Variants in PCDH15 observed in about 807,000 individuals in gnomAD.
The protein encoded by PCDH15 is protocadherin-15.
A neutral mutation model predicts 178.5 loss-of-function variants in PCDH15; 129 were observed. The ratio of observed to expected loss-of-function variants is 0.72; its 90% CI spans 0.63 to 0.84. The LOEUF is 0.84. Among genes scored for constraint, PCDH15 ranks in the 40% least tolerant of loss-of-function variants. The pLI, the probability that PCDH15 is intolerant of heterozygous loss-of-function variation, is 0.00. For missense variants in PCDH15, 2,230 were observed against 2,099.9 expected (o/e 1.06, Z -1.21); for synonymous variants, 800 against 732.0 (o/e 1.09, Z -1.50).
chr10:53,969,060 G>A (rs1021129399), intron 21 of PCDH15, among the ~76,000 whole-genome samples: 10 of 152,076 alleles, frequency 6.6e-5, no homozygotes, highest in South Asian at 2.1e-4. Context: ...AAACTTCTCC[G>A]AGCTAAAGGA....
chr10:53,973,908 T>C (rs1368234068), intron 21 of PCDH15, among the ~76,000 whole-genome samples: 2 of 152,146 alleles, frequency 1.3e-5, no homozygotes, highest in African/African-American at 2.4e-5. Flanking sequence ...ATATTCAAAA[T>C]AGGAGCATGC....
chr10:54,221,385 A>G (rs1280762353), intron 9 of PCDH15, among the ~76,000 whole-genome samples: 1 of 152,136 alleles, frequency 6.6e-6, no homozygotes, highest in Non-Finnish European at 1.5e-5. Flanking sequence ...CTACACAATT[A>G]TCTTCATATA....
In PCDH15 at chr10:54,708,889, T is replaced by C. The variant is rs186830863; in HGVS notation, c.-28-44599A>G. On this transcript the variant is annotated intron_variant, in intron 1 of 37. Coordinates refer to ENST00000644397, the MANE Select transcript of PCDH15 (RefSeq NM_001384140.1). ...CCCTCAGATAACGAGCAATAATAGC[T>C]CTAATGATCTCTGAAAAAAAGGAAA... Among the ~76,000 whole-genome samples the C allele has an allele frequency of 2.6e-5, 4 of 152,122 alleles. No individual in the cohort carries two copies. The East Asian group carries it at 7.7e-4, about 29-fold the overall frequency.
rs1954692837 is a variant in PCDH15 at position 54,904,836 on chromosome 10, G to A, written c.-79-7336C>T. Among the ~76,000 whole-genome samples, 4 of 151,078 alleles carry A rather than the reference G, an allele frequency of 2.6e-5. No individual in the cohort carries two copies. In the Admixed American group the frequency reaches 2.7e-4, roughly 10 times the overall value. On this transcript the variant is annotated intron_variant, in intron 2 of 5. Coordinates refer to the PCDH15 transcript ENST00000458638. ...GAGGTACCACAGCTCACTCTCAGAA[G>A]GTCAAGAGGTAAAGTGTGGAGAAAA...
intron 2 of PCDH15, among the ~76,000 whole-genome samples, chr10:55,164,155 C>A (rs557373153): frequency 6.6e-6 from 1 of 152,042 alleles, no homozygotes; most frequent in South Asian, 2.1e-4. Context: ...GTCTCTGTTT[C>A]GTATTACACA....
chr10:54,205,142 C>T (rs2050656715), intron 10 of PCDH15, among the ~76,000 whole-genome samples: 3 of 152,130 alleles, frequency 2.0e-5, no homozygotes, highest in Admixed American at 2.0e-4. Context: ...AAAACAGCCA[C>T]ATCCCCTGGT....
At chr10:55,464,947 A>G (rs1010260686) in intron 2 of PCDH15, among the ~76,000 whole-genome samples, 3 of 151,772 alleles carry the variant, frequency 2.0e-5, no homozygotes, top group African/African-American at 7.2e-5. Context: ...CAACAAAAAA[A>G]CAGTGCTTGT....
At chr10:55,045,331 C>T (rs190203616) in intron 2 of PCDH15, among the ~76,000 whole-genome samples, 1 of 151,874 alleles carries the variant, frequency 6.6e-6, no homozygotes, top group South Asian at 2.1e-4. Context: ...TTTCTTAGGT[C>T]TGTGTCAGAT....
At chr10:55,103,126 T>C (rs1439464673) in intron 2 of PCDH15, among the ~76,000 whole-genome samples, 1 of 150,798 alleles carries the variant, frequency 6.6e-6, no homozygotes, top group African/African-American at 2.4e-5. Context: ...TTTTTTTTTT[T>C]GCTTTTCCAT....
intron 3 of PCDH15, among the ~76,000 whole-genome samples, chr10:54,395,195 C>G (rs1951047596): frequency 1.3e-5 from 2 of 152,036 alleles, no homozygotes; most frequent in African/African-American, 4.8e-5. Context: ...TCCATGAAAT[C>G]TTTACAATTT....
chr10:54,345,967 C>T (rs1000833991), intron 6 of PCDH15, among the ~76,000 whole-genome samples: 3 of 152,014 alleles, frequency 2.0e-5, no homozygotes, highest in Admixed American at 6.6e-5. Flanking sequence ...AAAGGCTTAT[C>T]AACTCCAGCA....
At chr10:54,387,968 G>T (rs937315835) in intron 3 of PCDH15, among the ~76,000 whole-genome samples, 1 of 152,094 alleles carries the variant, frequency 6.6e-6, no homozygotes, top group African/African-American at 2.4e-5. Context: ...CCAAGGACTT[G>T]GGGAGGGAGT....
intron 13 of PCDH15, among the ~76,000 whole-genome samples, chr10:54,172,360 C>G (rs532228621): frequency 9.2e-4 from 140 of 152,028 alleles, no homozygotes; most frequent in African/African-American, 3.2e-3. Context: ...TTTTCCTTTA[C>G]CTACCCAAAT....
intron 28 of PCDH15, among the ~76,000 whole-genome samples, chr10:53,850,421 G>C (rs2078281857): frequency 6.6e-6 from 1 of 151,954 alleles, no homozygotes; most frequent in Non-Finnish European, 1.5e-5. Flanking sequence ...ATGAGTTAAA[G>C]ACAAGTCATT....
chr10:55,182,005 G>A (rs1248323167), intron 1 of PCDH15, among the ~76,000 whole-genome samples: 1 of 151,826 alleles, frequency 6.6e-6, no homozygotes, highest in Non-Finnish European at 1.5e-5. Context: ...TGGTGATTGA[G>A]GAGAAGATCC....
chr10:55,281,590 C>T (rs1842734926), intron 1 of PCDH15, among the ~76,000 whole-genome samples: 1 of 151,882 alleles, frequency 6.6e-6, no homozygotes, highest in Admixed American at 6.6e-5. Flanking sequence ...CTTATTTTTT[C>T]ACAGAAAATT....
intron 2 of PCDH15, among the ~76,000 whole-genome samples, chr10:55,540,658 AT>A (rs1350917738): frequency 6.6e-6 from 1 of 152,146 alleles, no homozygotes; most frequent in Non-Finnish European, 1.5e-5. Context: ...TGTAATATCA[AT>A]TAAAGGACAG....
intron 29 of PCDH15, among the ~76,000 whole-genome samples, chr10:53,833,336 T>TA (rs763016898): frequency 6.6e-5 from 10 of 152,100 alleles, no homozygotes; most frequent in Non-Finnish European, 1.3e-4. Context: ...CTTAGATACT[T>TA]ATTTTCACTT....
intron 21 of PCDH15, among the ~76,000 whole-genome samples, chr10:53,993,729 T>C (rs2091671883): frequency 6.6e-6 from 1 of 152,194 alleles, no homozygotes; most frequent in Admixed American, 6.5e-5. Context: ...AGGATTCGTG[T>C]AGGTGCAACC....
Sources: allele counts gnomAD v4.1 joint callset (sites outside exome capture counted in the v4.1 genomes callset), GRCh38; gene constraint gnomAD v4.1.1; transcripts MANE v1.5; gene names NCBI Gene and HGNC (gene_info 2026-07-23, HGNC 2026-07-21).